Variants in CHSY3 observed in about 807,000 individuals in gnomAD.
CHSY3 encodes chondroitin sulfate synthase 3, also known as N-acetylgalactosaminyl-proteoglycan 3-beta-glucuronosyltransferase 3.
A neutral mutation model predicts 67.2 loss-of-function variants in CHSY3; 35 were observed. The ratio of observed to expected loss-of-function variants is 0.52; its 90% CI spans 0.40 to 0.69. CHSY3 has a LOEUF of 0.69. Among genes scored for constraint, CHSY3 ranks in the 30% least tolerant of loss-of-function variants. CHSY3 has a pLI of 0.00. For synonymous variants in CHSY3, 474 were observed against 434.7 expected, an observed-to-expected ratio of 1.09 and a Z score of -1.12; for missense variants, 1,069 against 1,138.5, an observed-to-expected ratio of 0.94 and a Z score of 0.88.
intron 2 of CHSY3, among the ~76,000 whole-genome samples, chr5:129,911,927 G>A (rs1464135471): frequency 6.6e-6 from 1 of 152,026 alleles, no homozygotes; most frequent in Admixed American, 6.6e-5. Flanking sequence ...GTGGTGGCGG[G>A]CGCCTGTAGT....
At chr5:129,984,988 T>G (rs1427869663) in intron 2 of CHSY3, among the ~76,000 whole-genome samples, 1 of 152,104 alleles carries the variant, frequency 6.6e-6, no homozygotes, top group Non-Finnish European at 1.5e-5. Context: ...ATGCTGTTGA[T>G]AGTTTTGTTT....
intron 2 of CHSY3, among the ~76,000 whole-genome samples, chr5:130,020,461 ATTTTT>A (rs1196155924): frequency 6.9e-4 from 55 of 79,832 alleles, no homozygotes; most frequent in African/African-American, 3.2e-3. Flanking sequence ...ATATATATAT[ATTTTT>A]TTTTTTTTTT....
intron 2 of CHSY3, among the ~76,000 whole-genome samples, chr5:130,006,861 C>T (rs1763892013): frequency 6.6e-6 from 1 of 152,160 alleles, no homozygotes; most frequent in Non-Finnish European, 1.5e-5. Context: ...TCCTAGCCTA[C>T]AATGTGCTAG....
chr5:129,943,861 T>G (rs560303412), intron 2 of CHSY3, among the ~76,000 whole-genome samples: 1 of 152,328 alleles, frequency 6.6e-6, no homozygotes, highest in Non-Finnish European at 1.5e-5. Context: ...GCCATAAAAT[T>G]TGAAAGGCAT....
chr5:129,988,155 G>T (rs1763258843), intron 2 of CHSY3, among the ~76,000 whole-genome samples: 1 of 152,156 alleles, frequency 6.6e-6, no homozygotes, highest in Non-Finnish European at 1.5e-5. Flanking sequence ...CTGGCCCAGA[G>T]AAATGTACTC....
chr5:130,173,445 T>C (rs1769954507), intron 2 of CHSY3, among the ~76,000 whole-genome samples: 1 of 152,174 alleles, frequency 6.6e-6, no homozygotes, highest in Admixed American at 6.5e-5. Context: ...AATCCACTGA[T>C]GTTATTCAGA....
chr5:130,071,494 C>T (rs1467189044), intron 2 of CHSY3, among the ~76,000 whole-genome samples: 3 of 151,064 alleles, frequency 2.0e-5, no homozygotes, highest in South Asian at 2.1e-4. Flanking sequence ...CATAAAACTG[C>T]GCAAAATATA....
In CHSY3 at chr5:130,185,039, A is replaced by G. The variant is rs773768815; in HGVS notation, c.1897A>G (p.Ile633Val). ...ILVPLIGRYD[I>V]FLRFMENFEN... ...CGTTCCTCTCATCGGAAGGTATGAC[A>G]TTTTCTTGAGATTCATGGAGAACTT... The change falls in exon 3 of 3, where the codon ATT becomes GTT. Residue 633 changes from isoleucine to valine, a missense_variant. Ile to Val is a conservative substitution (Grantham distance 29). Around this residue, in one of 5 missense-constraint regions of CHSY3, gnomAD observed 401 missense variants for 395.2 expected, o/e 1.01. Transcript: ENST00000305031. 6.3e-7 allele frequency: 1 copy of G among 1,596,662 alleles called. No individual in the cohort carries two copies. The highest frequency in any genetic ancestry group is 8.6e-7 in the Non-Finnish European group (1 of 1,164,104).
chr5:130,048,799 G>A (rs1397482151), intron 2 of CHSY3, among the ~76,000 whole-genome samples: 2 of 152,052 alleles, frequency 1.3e-5, no homozygotes, highest in Non-Finnish European at 2.9e-5. Flanking sequence ...TAAGAAAGCA[G>A]AGGGTAGAAT....
chr5:130,092,957 T>C (rs888137731), intron 2 of CHSY3, among the ~76,000 whole-genome samples: 12 of 152,186 alleles, frequency 7.9e-5, no homozygotes, highest in Non-Finnish European at 1.5e-4. Flanking sequence ...AATCCAATGA[T>C]CTGGTGAGTA....
chr5:130,096,029 C>G (rs890283519), intron 2 of CHSY3, among the ~76,000 whole-genome samples: 2 of 152,148 alleles, frequency 1.3e-5, no homozygotes, highest in African/African-American at 4.8e-5. Context: ...ATTCAAAGTT[C>G]TCAAGGTCAT....
At chr5:129,921,052 T>G (rs1760906635) in intron 2 of CHSY3, among the ~76,000 whole-genome samples, 1 of 152,164 alleles carries the variant, frequency 6.6e-6, no homozygotes, top group South Asian at 2.1e-4. Flanking sequence ...ACTCCTGAGC[T>G]CAAGTGATCT....
chr5:130,116,089 C>G (rs755813566), intron 2 of CHSY3, among the ~76,000 whole-genome samples: 16 of 152,176 alleles, frequency 1.1e-4, no homozygotes, highest in Non-Finnish European at 1.8e-4. Context: ...TCTCCAGAAT[C>G]CCTCTGGCAA....
chr5:129,930,514 G>T (rs915247214), intron 2 of CHSY3, among the ~76,000 whole-genome samples: 19 of 144,738 alleles, frequency 1.3e-4, no homozygotes, highest in East Asian at 2.1e-4. Context: ...CTGGCGGGGG[G>T]GGGGTATGAA....
intron 2 of CHSY3, among the ~76,000 whole-genome samples, chr5:130,072,066 T>C (rs534894791): frequency 6.6e-6 from 1 of 152,008 alleles, no homozygotes; most frequent in Non-Finnish European, 1.5e-5. Flanking sequence ...TAGTATTGAG[T>C]TTTTTTGAGT....
At chr5:129,915,532 AT>A (rs1760705359) in intron 2 of CHSY3, among the ~76,000 whole-genome samples, 1 of 152,192 alleles carries the variant, frequency 6.6e-6, no homozygotes, top group African/African-American at 2.4e-5. Flanking sequence ...GCATTTATTA[AT>A]TTTTTGAGAT....
intron 2 of CHSY3, among the ~76,000 whole-genome samples, chr5:130,009,963 C>A (rs980861856): frequency 3.3e-5 from 5 of 152,108 alleles, no homozygotes; most frequent in Admixed American, 1.3e-4. Flanking sequence ...GTACACCCAA[C>A]ACTGGAGCAC....
chr5:129,973,358 A>C (rs1003036436), intron 2 of CHSY3, among the ~76,000 whole-genome samples: 2 of 152,138 alleles, frequency 1.3e-5, no homozygotes, highest in African/African-American at 4.8e-5. Flanking sequence ...CTAACTACAT[A>C]TTCAAATGAA....
At chr5:129,995,772 A>G (rs991256743) in intron 2 of CHSY3, among the ~76,000 whole-genome samples, 5 of 151,992 alleles carry the variant, frequency 3.3e-5, no homozygotes, top group African/African-American at 1.2e-4. Flanking sequence ...TGTATACCTT[A>G]AACAAAAAAG....
Sources: gnomAD v4.1 joint callset for allele counts (sites outside exome capture counted in the v4.1 genomes callset) on GRCh38, gnomAD v4.1.1 for gene constraint, gnomAD v4.1.1 regional missense constraint, MANE v1.5 for transcripts, NCBI Gene and HGNC (gene_info 2026-07-23, HGNC 2026-07-21) for gene names.